Variants in TBC1D5 observed in about 807,000 individuals in gnomAD.
The protein encoded by TBC1D5 is TBC1 domain family member 5, also known as TBC1 domain family, member 5.
A neutral mutation model predicts 100.3 loss-of-function variants in TBC1D5; 75 were observed. That is an observed-to-expected ratio of 0.75 (90% CI 0.62 to 0.91). The LOEUF is 0.91. Among genes scored for constraint, TBC1D5 ranks in the 40% least tolerant of loss-of-function variants. The probability of loss-of-function intolerance (pLI) is 0.00; values close to 1 mark genes in which losing one functional copy is unlikely to be tolerated. For synonymous variants in TBC1D5, 323 were observed against 325.6 expected, an observed-to-expected ratio of 0.99 and a Z score of 0.09; for missense variants, 910 against 942.4, an observed-to-expected ratio of 0.97 and a Z score of 0.45.
chr3:17,226,708 C>A (rs1445213695), intron 17 of TBC1D5, among the ~76,000 whole-genome samples: 2 of 152,182 alleles, frequency 1.3e-5, no homozygotes, highest in African/African-American at 4.8e-5. Context: ...TCTCTCCCTG[C>A]CAGTGTTGCT....
At chr3:17,297,966 A>G (rs2082433274) in intron 14 of TBC1D5, among the ~76,000 whole-genome samples, 1 of 152,202 alleles carries the variant, frequency 6.6e-6, no homozygotes, top group Admixed American at 6.5e-5. Flanking sequence ...ATCAAAGCCC[A>G]AGTTCTACCT....
At chr3:17,412,230 A>C (rs2093946083) in intron 4 of TBC1D5, among the ~76,000 whole-genome samples, 1 of 151,964 alleles carries the variant, frequency 6.6e-6, no homozygotes, top group Non-Finnish European at 1.5e-5. Flanking sequence ...TAGCCACTGA[A>C]ATACTACTGC....
chr3:17,668,114 A>G (rs1170139968), intron 1 of TBC1D5, among the ~76,000 whole-genome samples: 1 of 148,698 alleles, frequency 6.7e-6, no homozygotes, highest in Non-Finnish European at 1.5e-5. Context: ...TATATTTTTA[A>G]TTTCACTTAA....
chr3:17,593,232 A>G (rs2060347159), intron 2 of TBC1D5, among the ~76,000 whole-genome samples: 1 of 152,166 alleles, frequency 6.6e-6, no homozygotes, highest in African/African-American at 2.4e-5. Context: ...TTAATAATCA[A>G]GTGGCTAAGA....
At chr3:17,422,127 T>C (rs1027582448) in intron 4 of TBC1D5, among the ~76,000 whole-genome samples, 10 of 152,236 alleles carry the variant, frequency 6.6e-5, no homozygotes, top group African/African-American at 2.4e-4. Flanking sequence ...GCAAATAAAT[T>C]GATTGAGCCA....
intron 16 of TBC1D5, among the ~76,000 whole-genome samples, chr3:17,241,065 G>A (rs1212602103): frequency 2.0e-5 from 3 of 152,036 alleles, no homozygotes; most frequent in Admixed American, 2.0e-4. Context: ...ACAGTTTCTA[G>A]AAGAATTTTT....
intron 1 of TBC1D5, among the ~76,000 whole-genome samples, chr3:17,637,821 A>G (rs2064108070): frequency 6.6e-6 from 1 of 152,208 alleles, no homozygotes; most frequent in Non-Finnish European, 1.5e-5. Flanking sequence ...TAGAAATATG[A>G]TTTAAAATGT....
At chr3:17,736,498 A>T (rs1473332413) in intron 1 of TBC1D5, among the ~76,000 whole-genome samples, 1 of 152,176 alleles carries the variant, frequency 6.6e-6, no homozygotes. Flanking sequence ...GTCTAGTTTA[A>T]TGAATATGCA....
intron 1 of TBC1D5, among the ~76,000 whole-genome samples, chr3:17,649,184 T>C (rs1365477676): frequency 6.6e-6 from 1 of 152,138 alleles, no homozygotes; most frequent in African/African-American, 2.4e-5. Flanking sequence ...TGTGGGAACA[T>C]GGATGGAGGT....
intron 2 of TBC1D5, among the ~76,000 whole-genome samples, chr3:17,543,122 AAGGG>A (rs1287054040): frequency 1.3e-5 from 2 of 152,214 alleles, no homozygotes; most frequent in East Asian, 1.9e-4. Flanking sequence ...AAAGGAATGG[AAGGG>A]AGGGGAGGGG....
intron 2 of TBC1D5, among the ~76,000 whole-genome samples, chr3:17,577,427 C>A (rs2096664374): frequency 6.6e-6 from 1 of 151,976 alleles, no homozygotes; most frequent in African/African-American, 2.4e-5. Context: ...TCTAGGTAAA[C>A]ATCCACACAA....
chr3:17,374,531 G>A, exon 12 of TBC1D5: 1 of 1,611,712 alleles, frequency 6.2e-7, no homozygotes. Context: ...TAAGTTGTGA[G>A]AACACTGCAC....
chr3:17,392,847 T>C (rs540107699), intron 8 of TBC1D5, among the ~76,000 whole-genome samples: 11 of 152,278 alleles, frequency 7.2e-5, no homozygotes, highest in African/African-American at 1.4e-4. Context: ...GTCTTTATAG[T>C]AGAATGACTT....
intron 3 of TBC1D5, among the ~76,000 whole-genome samples, chr3:17,505,851 G>A (rs1176547940): frequency 6.6e-6 from 1 of 152,032 alleles, no homozygotes. Context: ...AAACTGAACA[G>A]GGCACACAGA....
chr3:17,270,725 T>C (rs1300806657), intron 15 of TBC1D5, among the ~76,000 whole-genome samples: 1 of 152,150 alleles, frequency 6.6e-6, no homozygotes, highest in Admixed American at 6.6e-5. Flanking sequence ...CCAGTTTTTT[T>C]CCCTAGGATT....
At chr3:17,485,483 CATCCCCCCT>C (rs1319782126) in intron 3 of TBC1D5, among the ~76,000 whole-genome samples, 3 of 131,106 alleles carry the variant, frequency 2.3e-5, no homozygotes, top group African/African-American at 8.7e-5. Flanking sequence ...ATCCCTCCCC[CATCCCCCCT>C]CCCCCCACCC....
rs939867079 is a variant in TBC1D5 at position 17,455,504 on chromosome 3, G to A, written c.98-26985C>T. Among the ~76,000 whole-genome samples the A allele has an allele frequency of 2.2e-4, 26 of 117,152 alleles. No individual in the cohort carries two copies. The South Asian group carries it at 2.3e-3, about 11-fold the overall frequency. 76.9% of individuals were successfully genotyped at this position (117,152 alleles called of 152,430 possible). On this transcript the variant is annotated intron_variant, in intron 3 of 21. Coordinates refer to ENST00000253692, the Ensembl canonical transcript of TBC1D5. ...TGTATATATATGTGTATATATATATGTGTGTGTGTATATATATATATATAT... is the reference window on the plus strand; with the variant it reads ...TGTATATATATGTGTATATATATATATGTGTGTGTATATATATATATATAT...
At chr3:17,157,653 C>T (rs2065704730) in exon 22 of TBC1D5, 1 of 152,214 alleles carries the variant, frequency 6.6e-6, no homozygotes, top group African/African-American at 2.4e-5. Flanking sequence ...TATGTGGGGA[C>T]CTAAGTCCTC....
chr3:17,296,279 A>G (rs2082250290), intron 14 of TBC1D5, among the ~76,000 whole-genome samples: 1 of 152,252 alleles, frequency 6.6e-6, no homozygotes, highest in Non-Finnish European at 1.5e-5. Context: ...AGTTAATTGT[A>G]CTTGACTGAA....
Sources: allele counts gnomAD v4.1 joint callset (sites outside exome capture counted in the v4.1 genomes callset), GRCh38; gene constraint gnomAD v4.1.1; transcripts MANE v1.5; gene names NCBI Gene and HGNC (gene_info 2026-07-23, HGNC 2026-07-21).